The following PPFIBP1 variants were observed in gnomAD, a reference collection of about 807,000 sequenced individuals.
PPFIBP1 encodes the protein liprin-beta-1.
Under a neutral mutation model 137.8 loss-of-function variants are expected in PPFIBP1, and 112 were observed. That is an observed-to-expected ratio of 0.81 (90% CI 0.70 to 0.95). PPFIBP1 has a LOEUF of 0.95. Ranked by LOEUF, PPFIBP1 falls within the 40% of genes least tolerant of loss-of-function variation. The probability of loss-of-function intolerance (pLI) is 0.00; values close to 1 mark genes in which losing one functional copy is unlikely to be tolerated. For synonymous variants in PPFIBP1, 378 were observed against 417.3 expected (o/e 0.91, Z 1.15); for missense variants, 1,083 against 1,196.6 (o/e 0.91, Z 1.40).
At chr12:27,565,862 G>C (rs1007504847) in intron 1 of PPFIBP1, among the ~76,000 whole-genome samples, 10 of 151,868 alleles carry the variant, frequency 6.6e-5, no homozygotes, top group African/African-American at 2.4e-4. Flanking sequence ...GTTTTCACCA[G>C]CTCATCTTGC....
At chr12:27,647,266 G>T (rs538270352) in intron 5 of PPFIBP1, among the ~76,000 whole-genome samples, 6 of 152,160 alleles carry the variant, frequency 3.9e-5, no homozygotes, top group Non-Finnish European at 8.8e-5. Context: ...CTCCCAAAGT[G>T]CTGGGATTAC....
At chr12:27,636,240 G>T (rs1304021876) in intron 4 of PPFIBP1, 2 of 100,090 alleles carry the variant, frequency 2.0e-5, no homozygotes, top group Middle Eastern at 4.4e-3. Context: ...CTTTAGTGGG[G>T]GTGCAGCTAC....
At chr12:27,681,413 T>A in intron 21 of PPFIBP1, 133 bp from the exon 22 acceptor site, 1 of 991,116 alleles carries the variant, frequency 1.0e-6, no homozygotes, top group East Asian at 2.5e-5. Context: ...TACTAAAAAT[T>A]AAGCTTTTCA....
intron 2 of PPFIBP1, among the ~76,000 whole-genome samples, chr12:27,605,884 G>T (rs1163503242): frequency 6.6e-6 from 1 of 152,158 alleles, no homozygotes; most frequent in East Asian, 1.9e-4. Context: ...GTCTTGAAAT[G>T]AATGTCAGAA....
chr12:27,671,695 T>C (rs1242059124), intron 14 of PPFIBP1, 149 bp downstream of exon 14: 2 of 513,464 alleles, frequency 3.9e-6, no homozygotes, highest in Non-Finnish European at 7.0e-6. Flanking sequence ...TAATCAGTTC[T>C]GTATTATGGA....
At chr12:27,551,386 C>T (rs1277963263) in intron 1 of PPFIBP1, among the ~76,000 whole-genome samples, 5 of 152,136 alleles carry the variant, frequency 3.3e-5, no homozygotes, top group African/African-American at 7.2e-5. Context: ...ACTAGTACTA[C>T]GAAGGTCTAA....
chr12:27,648,007 C>A, intron 6 of PPFIBP1, 165 bp downstream of exon 6: 5 of 764,114 alleles, frequency 6.5e-6, no homozygotes, highest in Non-Finnish European at 9.2e-6. Flanking sequence ...AAAACACATG[C>A]ACACAATATA....
Position 27,566,832 on chromosome 12 carries a change from A to G in PPFIBP1, c.-123-11320A>G, listed in dbSNP as rs114231249. 6.8e-3 allele frequency among the ~76,000 whole-genome samples: 1,031 copies of G among 152,332 alleles called. 15 individuals carry two copies. The highest frequency in any genetic ancestry group is 0.024 in the African/African-American group (981 of 41,572). On this transcript the variant is annotated intron_variant, in intron 1 of 29. Coordinates refer to ENST00000228425, the MANE Select transcript of PPFIBP1 (RefSeq NM_003622.4). ...GGGATTCAGCCAAATCCCAGAGCCC[A>G]TCCTACTAACCGCTCTGTACCAGAA...
chr12:27,615,874 C>A (rs183439361), intron 2 of PPFIBP1, among the ~76,000 whole-genome samples: 1 of 152,084 alleles, frequency 6.6e-6, no homozygotes, highest in African/African-American at 2.4e-5. Flanking sequence ...AGCCCTCCCC[C>A]AAAAGAATTG....
rs778008292 is a variant in PPFIBP1 at position 27,628,621 on chromosome 12, A to G, written c.-35-4741A>G. Among the ~76,000 whole-genome samples the G allele has an allele frequency of 2.7e-4, 41 of 152,252 alleles. 1 individual carries two copies. Among genetic ancestry groups the G allele is most frequent in the Non-Finnish European group, 5.3e-4 (36 of 68,038 alleles). On this transcript the variant is annotated intron_variant, in intron 2 of 29. Transcript: ENST00000228425. Reference sequence around the variant, plus strand: ...CTTTTATTTTGGACCATAGGTTCATATAATTGGATTATTCATGATCCTTGA... The same window carrying G: ...CTTTTATTTTGGACCATAGGTTCATGTAATTGGATTATTCATGATCCTTGA...
intron 2 of PPFIBP1, among the ~76,000 whole-genome samples, chr12:27,595,302 G>A (rs1484266460): frequency 2.0e-5 from 3 of 152,100 alleles, no homozygotes; most frequent in Admixed American, 1.3e-4. Context: ...ACACATGCAC[G>A]CAAGACTGTC....
intron 2 of PPFIBP1, chr12:27,608,590 A>G: frequency 2.7e-6 from 1 of 364,688 alleles, no homozygotes; most frequent in Non-Finnish European, 5.2e-6. Context: ...CCCTTAAAAA[A>G]TGGGTGAGTT....
chr12:27,610,499 G>A (rs561961864), intron 2 of PPFIBP1, among the ~76,000 whole-genome samples: 56 of 152,304 alleles, frequency 3.7e-4, no homozygotes, highest in Non-Finnish European at 1.9e-4. Flanking sequence ...GTGGAGGAAG[G>A]CCTCATTGGA....
At chr12:27,578,705 C>T (rs1357221665) in intron 2 of PPFIBP1, among the ~76,000 whole-genome samples, 1 of 152,190 alleles carries the variant, frequency 6.6e-6, no homozygotes, top group East Asian at 1.9e-4. Flanking sequence ...TTCTCTTGCT[C>T]AGTAATAATA....
intron 1 of PPFIBP1, among the ~76,000 whole-genome samples, chr12:27,540,809 T>A (rs576525783): frequency 2.0e-5 from 3 of 152,246 alleles, no homozygotes; most frequent in Non-Finnish European, 2.9e-5. Flanking sequence ...ATCATGTTCA[T>A]ATGACTATTG....
At chr12:27,620,412 G>T (rs1051924926) in intron 2 of PPFIBP1, among the ~76,000 whole-genome samples, 4 of 152,114 alleles carry the variant, frequency 2.6e-5, no homozygotes, top group African/African-American at 9.7e-5. Flanking sequence ...CCCTTCTAGG[G>T]GCCTTTGCAT....
intron 2 of PPFIBP1, among the ~76,000 whole-genome samples, chr12:27,628,017 T>C (rs541681696): frequency 5.5e-4 from 83 of 152,220 alleles, no homozygotes; most frequent in African/African-American, 1.9e-3. Context: ...GAACTATGAC[T>C]TTGAACCCCA....
intron 2 of PPFIBP1, among the ~76,000 whole-genome samples, chr12:27,632,322 C>T (rs1407789253): frequency 6.6e-6 from 1 of 152,194 alleles, no homozygotes; most frequent in Non-Finnish European, 1.5e-5. Context: ...TTCTGGGAAA[C>T]AGCATGCCCT....
chr12:27,559,783 T>C (rs569409296), intron 1 of PPFIBP1, among the ~76,000 whole-genome samples: 1 of 152,332 alleles, frequency 6.6e-6, no homozygotes, highest in Non-Finnish European at 1.5e-5. Flanking sequence ...AATTAAATGG[T>C]GAAATTTTTA....
Sources: gnomAD v4.1 joint callset for allele counts (sites outside exome capture counted in the v4.1 genomes callset) on GRCh38, gnomAD v4.1.1 for gene constraint, MANE v1.5 for transcripts, NCBI Gene and HGNC (gene_info 2026-07-23, HGNC 2026-07-21) for gene names.